ATP11A: variants seen among roughly 807,000 people sequenced by gnomAD.
ATP11A encodes the protein phospholipid-transporting ATPase IH.
In ATP11A, 81 loss-of-function variants were observed where a neutral mutation model predicts 154.4. That is an observed-to-expected ratio of 0.52 (90% CI 0.44 to 0.63). The LOEUF is 0.63. ATP11A is among the 30% of genes least tolerant of loss of function. The pLI, the probability that ATP11A is intolerant of heterozygous loss-of-function variation, is 0.00. For synonymous variants in ATP11A, 623 were observed against 585.9 expected (o/e 1.06, Z -0.91); for missense variants, 1,316 against 1,474.3 (o/e 0.89, Z 1.76).
chr13:112,742,830 T>G lies in ATP11A; in HGVS notation c.40-42305T>G, dbSNP rs551131718. ...CTGACCCCTGACAATGGCAAGACTT[T>G]CCACAGGTAGACACCTGTTTTTCCA... On this transcript the variant is annotated intron_variant, in intron 1 of 29. Coordinates refer to ENST00000375645, the MANE Select transcript of ATP11A (RefSeq NM_015205.3). Among the ~76,000 whole-genome samples the G allele has an allele frequency of 1.5e-3, 228 of 152,328 alleles. 2 individuals carry two copies. Among genetic ancestry groups the G allele is most frequent in the African/African-American group, 5.2e-3 (217 of 41,578 alleles).
At chr13:112,836,298 G>T (rs761626851) in intron 16 of ATP11A, 47 bp downstream of exon 16, 1 of 1,247,428 alleles carries the variant, frequency 8.0e-7, no homozygotes, top group East Asian at 2.3e-5. Flanking sequence ...CGTGGTGGTT[G>T]TGTTTTATTC....
chr13:112,794,918 C>T (rs1188030482), intron 2 of ATP11A, among the ~76,000 whole-genome samples: 2 of 151,760 alleles, frequency 1.3e-5, no homozygotes, highest in African/African-American at 4.8e-5. Flanking sequence ...CAGGTGGTTT[C>T]AAATTCCAAA....
At chr13:112,850,534 T>C (rs537924182) in intron 17 of ATP11A, among the ~76,000 whole-genome samples, 9 of 152,324 alleles carry the variant, frequency 5.9e-5, no homozygotes, top group African/African-American at 1.9e-4. Flanking sequence ...GTGCAACCAA[T>C]GATTTTGATA....
At chr13:112,726,906 A>G (rs1467790631) in intron 1 of ATP11A, among the ~76,000 whole-genome samples, 1 of 152,228 alleles carries the variant, frequency 6.6e-6, no homozygotes, top group Non-Finnish European at 1.5e-5. Flanking sequence ...GACATGGATA[A>G]TAGGGAAAAA....
intron 1 of ATP11A, among the ~76,000 whole-genome samples, chr13:112,777,317 A>G (rs920386574): frequency 2.0e-5 from 3 of 152,250 alleles, no homozygotes; most frequent in African/African-American, 7.2e-5. Context: ...TAATCCCAGC[A>G]CTTTGGAATG....
At chr13:112,702,157 C>T (rs1021946001) in intron 1 of ATP11A, among the ~76,000 whole-genome samples, 1 of 151,744 alleles carries the variant, frequency 6.6e-6, no homozygotes, top group Admixed American at 6.6e-5. Context: ...ATCAGCCTGG[C>T]CAATGTGGAG....
At chr13:112,765,068 T>C (rs2077041432) in intron 1 of ATP11A, among the ~76,000 whole-genome samples, 1 of 152,176 alleles carries the variant, frequency 6.6e-6, no homozygotes, top group East Asian at 1.9e-4. Context: ...AGCTGCTGCC[T>C]GGCAACTTTG....
At chr13:112,701,037 C>T (rs1253760193) in intron 1 of ATP11A, among the ~76,000 whole-genome samples, 1 of 152,226 alleles carries the variant, frequency 6.6e-6, no homozygotes, top group African/African-American at 2.4e-5. Context: ...GACCCCAGGT[C>T]GCTGCGGCCC....
Position 112,873,553 on chromosome 13 carries a change from CCTTT to C in ATP11A, c.3058-19_3058-16del. ...CTGCTCAGATGACACCGTTAACTGC[CCTTT>C]TTTTTTTCCTTTTAGCTTGCATTGG... On this transcript the variant is annotated splice_polypyrimidine_tract_variant and intron_variant, in intron 26 of 29. Coordinates refer to ENST00000375645, the MANE Select transcript of ATP11A (RefSeq NM_015205.3). 6.4e-7 allele frequency: 1 copy of C among 1,564,572 alleles called. No homozygotes were observed. Among genetic ancestry groups the C allele is most frequent in the South Asian group, 1.2e-5 (1 of 85,366 alleles).
intron 1 of ATP11A, among the ~76,000 whole-genome samples, chr13:112,769,311 C>CA (rs777422670): frequency 2.3e-4 from 35 of 152,368 alleles, no homozygotes; most frequent in Middle Eastern, 3.4e-3. Flanking sequence ...CTCTGAGGCT[C>CA]AGAGGCACAG....
rs899602009 is a variant in ATP11A, at chr13:112,862,434, C to A, written c.2856-6C>A. ...GACACACGCTGTGCACCTTTCTCCT[C>A]ACCAGGGACGTCGCCAAGAATGCCC... On this transcript the variant is annotated splice_polypyrimidine_tract_variant and splice_region_variant and intron_variant, in intron 24 of 29. Coordinates refer to ENST00000375645, the MANE Select transcript of ATP11A (RefSeq NM_015205.3). 1 of 1,613,266 alleles carries A rather than the reference C, an allele frequency of 6.2e-7. No individual in the cohort carries two copies. The highest frequency in any genetic ancestry group is 8.5e-7 in the Non-Finnish European group (1 of 1,179,954).
At chr13:112,844,074 C>T (rs2079505784) in intron 17 of ATP11A, among the ~76,000 whole-genome samples, 1 of 152,182 alleles carries the variant, frequency 6.6e-6, no homozygotes, top group Non-Finnish European at 1.5e-5. Flanking sequence ...GTGGGGGCTC[C>T]TGAGGGGGCA....
At chr13:112,827,924 A>G (rs1251347669) in intron 12 of ATP11A, among the ~76,000 whole-genome samples, 4 of 152,250 alleles carry the variant, frequency 2.6e-5, no homozygotes, top group Non-Finnish European at 5.9e-5. Context: ...TGAGTCAGCA[A>G]TGCGCAAACT....
chr13:112,870,188 G>C (rs945530752), intron 25 of ATP11A, among the ~76,000 whole-genome samples: 1 of 152,192 alleles, frequency 6.6e-6, no homozygotes, highest in Admixed American at 6.5e-5. Context: ...GTTGATGGGG[G>C]CCCCTAAGAA....
intron 25 of ATP11A, among the ~76,000 whole-genome samples, chr13:112,868,830 AGCATC>A (rs1393876045): frequency 6.6e-6 from 1 of 152,196 alleles, no homozygotes; most frequent in Non-Finnish European, 1.5e-5. Context: ...CTGCATAGGA[AGCATC>A]GCTGGGGAGG....
chr13:112,718,137 G>C (rs115718841), intron 1 of ATP11A, among the ~76,000 whole-genome samples: 33 of 151,900 alleles, frequency 2.2e-4, no homozygotes, highest in Non-Finnish European at 1.6e-4. Context: ...CCGCCAAGGC[G>C]TGAACAGGAG....
intron 23 of ATP11A, 65 bp from the exon 24 acceptor site, chr13:112,860,222 C>G: frequency 6.5e-7 from 1 of 1,549,786 alleles, no homozygotes; most frequent in South Asian, 1.2e-5. Context: ...TATATTTAAT[C>G]AAAAGATCCA....
intron 6 of ATP11A, among the ~76,000 whole-genome samples, chr13:112,816,740 T>G (rs2078657859): frequency 6.6e-6 from 1 of 152,216 alleles, no homozygotes; most frequent in Non-Finnish European, 1.5e-5. Flanking sequence ...CCATTTCCTT[T>G]TCACTTTTTC....
intron 18 of ATP11A, among the ~76,000 whole-genome samples, chr13:112,853,229 GCTCT>G (rs1305545259): frequency 6.6e-6 from 1 of 151,482 alleles, no homozygotes; most frequent in African/African-American, 2.4e-5. Context: ...TCTCTTGCTC[GCTCT>G]CTTTCTCTCT....
Sources: allele counts gnomAD v4.1 joint callset (sites outside exome capture counted in the v4.1 genomes callset), GRCh38; gene constraint gnomAD v4.1.1; transcripts MANE v1.5; gene names NCBI Gene and HGNC (gene_info 2026-07-23, HGNC 2026-07-21).